Variants in MEIS1 observed in about 807,000 individuals in gnomAD.
The protein encoded by MEIS1 is Meis homeobox 1, also known as homeobox protein Meis1.
Under a neutral mutation model 50.8 loss-of-function variants are expected in MEIS1, and 5 were observed. The observed-to-expected ratio is 0.10, with a 90% confidence interval of 0.05 to 0.21. The LOEUF is 0.21. Ranked by LOEUF, MEIS1 falls within the 10% of genes least tolerant of loss-of-function variation. The pLI, the probability that MEIS1 is intolerant of heterozygous loss-of-function variation, is 1.00. For synonymous variants in MEIS1, 176 were observed against 179.3 expected (o/e 0.98, Z 0.15); for missense variants, 318 against 517.3 (o/e 0.61, Z 3.74).
In MEIS1 at chr2:66,521,158, G is replaced by T. The variant is rs1289327394; in HGVS notation, c.888+8864G>T. Among the ~76,000 whole-genome samples the T allele has an allele frequency of 4.6e-5, 7 of 152,284 alleles. No homozygotes were observed. In the East Asian group the frequency reaches 9.7e-4, roughly 21 times the overall value. On this transcript the variant is annotated intron_variant, in intron 8 of 12. Transcript: ENST00000272369. ...AGAAAGCTACATCTGTTGATATTTT[G>T]TGACAATCTTGATAATTTTTGCGTT...
chr2:66,476,817 C>T (rs1672904736), intron 7 of MEIS1, among the ~76,000 whole-genome samples: 1 of 152,026 alleles, frequency 6.6e-6, no homozygotes, highest in Non-Finnish European at 1.5e-5. Flanking sequence ...AATTGGTTTT[C>T]TATTTCTGAT....
At chr2:66,523,662 C>G (rs1674181888) in intron 8 of MEIS1, among the ~76,000 whole-genome samples, 1 of 152,106 alleles carries the variant, frequency 6.6e-6, no homozygotes, top group Non-Finnish European at 1.5e-5. Context: ...ATGCTCAGAG[C>G]CTTTGGAAAA....
intron 2 of MEIS1, 99 bp downstream of exon 2, chr2:66,438,062 G>A (rs1474862295): frequency 9.0e-7 from 1 of 1,105,980 alleles, no homozygotes; most frequent in East Asian, 2.6e-5. Flanking sequence ...CTGGATTGGA[G>A]GTACATCTTT....
At chr2:66,472,337 A>T (rs1322377774) in intron 7 of MEIS1, among the ~76,000 whole-genome samples, 1 of 152,228 alleles carries the variant, frequency 6.6e-6, no homozygotes. Context: ...GTTTAGAATT[A>T]TAATCTCTCC....
At chr2:66,562,196 C>T (rs1675236691) in intron 9 of MEIS1, 1 of 151,502 alleles carries the variant, frequency 6.6e-6, no homozygotes, top group African/African-American at 2.4e-5. Flanking sequence ...ACTGTGATCT[C>T]CTCACCTCTC....
chr2:66,542,842 A>G (rs967916608), intron 8 of MEIS1, among the ~76,000 whole-genome samples: 5 of 152,222 alleles, frequency 3.3e-5, no homozygotes, highest in Admixed American at 2.6e-4. Context: ...CTTGGCATCC[A>G]CATTTGTAGC....
At chr2:66,443,806 G>A (rs2103692366) in intron 6 of MEIS1, 1 of 152,740 alleles carries the variant, frequency 6.5e-6, no homozygotes, top group Non-Finnish European at 1.5e-5. Context: ...CGGCTCCCTG[G>A]GTAAGGAGTG....
chr2:66,513,309 G>A (rs1673877784), intron 8 of MEIS1, among the ~76,000 whole-genome samples: 1 of 151,962 alleles, frequency 6.6e-6, no homozygotes, highest in Non-Finnish European at 1.5e-5. Flanking sequence ...TTTTGTCTTA[G>A]CTTGCTTTTC....
chr2:66,448,141 G>C (rs1573129428), intron 6 of MEIS1, among the ~76,000 whole-genome samples: 1 of 152,150 alleles, frequency 6.6e-6, no homozygotes, highest in Non-Finnish European at 1.5e-5. Context: ...GAAGAGAAGA[G>C]AAGGGAGAAA....
At chr2:66,467,835 G>T (rs190099677) in intron 7 of MEIS1, among the ~76,000 whole-genome samples, 1 of 152,174 alleles carries the variant, frequency 6.6e-6, no homozygotes, top group Non-Finnish European at 1.5e-5. Flanking sequence ...TAATAGTAAA[G>T]TCCTTTTCAA....
At chr2:66,438,476 A>G (rs900053082) in intron 2 of MEIS1, among the ~76,000 whole-genome samples, 6 of 152,262 alleles carry the variant, frequency 3.9e-5, no homozygotes, top group African/African-American at 1.4e-4. Flanking sequence ...AAGGGGGAAC[A>G]TGTTTTGCAT....
intron 7 of MEIS1, among the ~76,000 whole-genome samples, chr2:66,487,449 T>C (rs1220251434): frequency 1.3e-5 from 2 of 152,176 alleles, no homozygotes; most frequent in Non-Finnish European, 2.9e-5. Context: ...TCTGAGGAGA[T>C]AGATATTTCA....
intron 8 of MEIS1, among the ~76,000 whole-genome samples, chr2:66,521,113 T>G (rs763355309): frequency 1.3e-5 from 2 of 152,272 alleles, no homozygotes; most frequent in Non-Finnish European, 2.9e-5. Flanking sequence ...TCTGCAGATA[T>G]CTGCCCATAA....
chr2:66,512,085 C>T lies in MEIS1; in HGVS notation c.743-64C>T, dbSNP rs1673846127. ...TTTTGGTTTTGTTTATATCCAAAGGCATTCTATTTGAATAAAGCATGTCAA... is the reference window on the plus strand; with the variant it reads ...TTTTGGTTTTGTTTATATCCAAAGGTATTCTATTTGAATAAAGCATGTCAA... On this transcript the variant is annotated intron_variant, in intron 7 of 12. Coordinates refer to ENST00000272369, the MANE Select transcript of MEIS1 (RefSeq NM_002398.3). 23 of 1,456,788 alleles carry T rather than the reference C, an allele frequency of 1.6e-5. 1 individual carries two copies. In the South Asian group the frequency reaches 3.6e-4, roughly 23 times the overall value. 90.2% of individuals were successfully genotyped at this position (1,456,788 alleles called of 1,614,324 possible). A position where few individuals can be genotyped will look rare whatever the true frequency, so the allele number is the denominator to read the frequency against.
intron 7 of MEIS1, among the ~76,000 whole-genome samples, chr2:66,502,995 G>A (rs1045122714): frequency 1.3e-5 from 2 of 152,150 alleles, no homozygotes; most frequent in African/African-American, 4.8e-5. Context: ...ATGTCCAAGA[G>A]GACAACTTAT....
chr2:66,527,096 A>G (rs1300520711), intron 8 of MEIS1, among the ~76,000 whole-genome samples: 15 of 152,346 alleles, frequency 9.8e-5, no homozygotes, highest in Admixed American at 6.5e-5. Flanking sequence ...ATGAAATAGC[A>G]TACGTTTGAA....
At chr2:66,555,819 G>A (rs983748733) in intron 9 of MEIS1, among the ~76,000 whole-genome samples, 1 of 152,144 alleles carries the variant, frequency 6.6e-6, no homozygotes, top group South Asian at 2.1e-4. Flanking sequence ...TAAAAAGTCA[G>A]CCTGAAATAT....
chr2:66,534,051 C>G (rs1158117927), intron 8 of MEIS1, among the ~76,000 whole-genome samples: 1 of 152,098 alleles, frequency 6.6e-6, no homozygotes, highest in Non-Finnish European at 1.5e-5. Context: ...AAATATATGC[C>G]AGACCCTATG....
rs1375085742 is a variant in MEIS1 at position 66,571,569 on chromosome 2, CAAATCA to C, written c.*362_*367del. 1.3e-6 allele frequency: 2 copies of C among 1,548,462 alleles called. No individual in the cohort carries two copies. Among genetic ancestry groups the C allele is most frequent in the Admixed American group, 3.9e-5 (2 of 50,796 alleles). ...CATTGTCTGCAATGGTGACTGATTT[CAAATCA>C]TGTTTTTTCTGCAATGACTGTGGAG... is the stretch of plus-strand genomic sequence containing the variant. On this transcript the variant is annotated 3_prime_UTR_variant, in exon 13 of 13. Coordinates refer to ENST00000272369, the MANE Select transcript of MEIS1 (RefSeq NM_002398.3).
Sources: allele counts gnomAD v4.1 joint callset (sites outside exome capture counted in the v4.1 genomes callset), GRCh38; gene constraint gnomAD v4.1.1; transcripts MANE v1.5; gene names NCBI Gene and HGNC (gene_info 2026-07-23, HGNC 2026-07-21).